The following PELO variants were observed in gnomAD, a reference collection of about 807,000 sequenced individuals.
PELO encodes the protein pelota mRNA surveillance and ribosome rescue factor, also known as protein pelota homolog.
Under a neutral mutation model 25.9 loss-of-function variants are expected in PELO, and 19 were observed. The ratio of observed to expected loss-of-function variants is 0.73; its 90% confidence interval spans 0.51 to 1.08. The LOEUF is 1.08. Ranked by LOEUF, PELO falls within the 50% of genes least tolerant of loss-of-function variation. PELO has a pLI of 0.00. For missense variants in PELO, 498 were observed against 491.4 expected (o/e 1.01, Z -0.13); for synonymous variants, 196 against 192.2 (o/e 1.02, Z -0.16).
At position 52,803,433 on chromosome 5, in the gene PELO, C is replaced by T. The variant is rs1580032316; in HGVS notation, c.*1593C>T. On this transcript the variant is annotated 3_prime_UTR_variant, in exon 3 of 3. Transcript: ENST00000274311. ...TGAAACCTGATTGTTATTATATTTT[C>T]AGTAAGGATTTGGAGATTTTTGGAC... The T allele has an allele frequency of 6.6e-6, 1 of 152,146 alleles. No individual in the cohort carries two copies. Among genetic ancestry groups the T allele is most frequent in the East Asian group, 1.9e-4 (1 of 5,180 alleles). The allele number at this position is 152,146 out of a possible 1,614,324, so 9.4% of individuals were successfully genotyped here. A position where few individuals can be genotyped will look rare whatever the true frequency, so the allele number is the denominator to read the frequency against.
chr5:52,800,670 GT>G lies in PELO; in HGVS notation c.277del (p.Tyr93MetfsTer59). 1 of 1,614,214 alleles carries G rather than the reference GT, an allele frequency of 6.2e-7. No individual in the cohort carries two copies. The highest frequency in any genetic ancestry group is 8.5e-7 in the Non-Finnish European group (1 of 1,180,044). On this transcript the variant is annotated frameshift_variant, in exon 2 of 3. Coordinates refer to ENST00000274311, the MANE Select transcript of PELO (RefSeq NM_015946.5). LOFTEE classifies it high-confidence loss of function. ...AGGGGACCAACATCCAAGAGAATGAGTATGTCAAGATGGGGGCTTACCACAC... is the reference window on the plus strand; with the variant it reads ...AGGGGACCAACATCCAAGAGAATGAGATGTCAAGATGGGGGCTTACCACAC... ...VKGTNIQENEYVKMGAYHTIE... is the reference protein window; with the variant it reads ...VKGTNIQENEXVKMGAYHTIE...
rs1748517525 is a variant in PELO, at chr5:52,802,937, T to C, written c.*1097T>C. 6.6e-6 allele frequency: 1 copy of C among 152,210 alleles called. No individual in the cohort carries two copies. The highest frequency in any genetic ancestry group is 2.4e-5 in the African/African-American group (1 of 41,450). The allele number at this position is 152,210 out of a possible 1,614,324, so 9.4% of individuals were successfully genotyped here. A position where few individuals can be genotyped will look rare whatever the true frequency, so the allele number is the denominator to read the frequency against. On this transcript the variant is annotated 3_prime_UTR_variant, in exon 3 of 3. Coordinates refer to ENST00000274311, the MANE Select transcript of PELO (RefSeq NM_015946.5). ...AAATACCTCTGAGTTTAAAATATTA[T>C]TTTTATTATTTTTGGTGCACATTCC...
chr5:52,788,364 G>C lies in PELO; in HGVS notation c.-561G>C. ...GAGGCTGCTCCGGCCATGGCCCCTC[G>C]GCCCCGCGCCCGCCCAGGGGTCGCT... On this transcript the variant is annotated 5_prime_UTR_variant, in exon 1 of 3. Transcript: ENST00000274311. The C allele has an allele frequency of 2.6e-6, 4 of 1,510,954 alleles. No homozygotes were observed. The highest frequency in any genetic ancestry group is 1.2e-5 in the South Asian group (1 of 81,350). The allele number at this position is 1,510,954 out of a possible 1,614,324, so 93.6% of individuals were successfully genotyped here. A position where few individuals can be genotyped will look rare whatever the true frequency, so the allele number is the denominator to read the frequency against.
rs865954530 is a variant in PELO, at chr5:52,800,266, C to G, written c.-129C>G. The stretch of plus-strand genomic sequence containing the variant: ...AGTCGAAGCAAGCGTGTTTCCTTCC[C>G]GCCAGGCAAGTGCCCTTAGAAACCG... On this transcript the variant is annotated 5_prime_UTR_variant, in exon 2 of 3. Transcript: ENST00000274311. 1.1e-6 allele frequency: 1 copy of G among 913,142 alleles called. No individual in the cohort carries two copies. Among genetic ancestry groups the G allele is most frequent in the African/African-American group, 1.7e-5 (1 of 60,214 alleles). 56.6% of individuals were successfully genotyped at this position (913,142 alleles called of 1,614,324 possible). A position where few individuals can be genotyped will look rare whatever the true frequency, so the allele number is the denominator to read the frequency against.
chr5:52,795,657 G>A (rs557029571), intron 1 of PELO, among the ~76,000 whole-genome samples: 53 of 151,814 alleles, frequency 3.5e-4, no homozygotes, highest in Non-Finnish European at 5.9e-4. Flanking sequence ...TTTTTCCAAG[G>A]CTGAATAATT....
intron 1 of PELO, among the ~76,000 whole-genome samples, chr5:52,795,536 C>T (rs1487371328): frequency 2.6e-5 from 4 of 151,842 alleles, no homozygotes; most frequent in Non-Finnish European, 2.9e-5. Context: ...AGTAATTCAA[C>T]TCACCAATGA....
rs56996823 is a variant in PELO at position 52,794,500 on chromosome 5, TACACACACACACAC to T, written c.-510-5362_-510-5349del. ...GTATAAGAATACATGCAAATAGAAA[TACACACACACACAC>T]ACACACACACACACACACACACTTC... On this transcript the variant is annotated intron_variant, in intron 1 of 2. Transcript: ENST00000274311. Among the ~76,000 whole-genome samples the T allele has an allele frequency of 9.9e-5, 14 of 141,914 alleles. 1 individual carries two copies. Among genetic ancestry groups the T allele is most frequent in the African/African-American group, 3.4e-4 (13 of 38,256 alleles). The allele number at this position is 141,914 out of a possible 152,430, so 93.1% of individuals were successfully genotyped here.
At chr5:52,796,227 T>C (rs1283562886) in intron 1 of PELO, among the ~76,000 whole-genome samples, 1 of 151,914 alleles carries the variant, frequency 6.6e-6, no homozygotes, top group Non-Finnish European at 1.5e-5. Context: ...CAATCCAGGA[T>C]GCTTGACTTC....
intron 1 of PELO, among the ~76,000 whole-genome samples, chr5:52,791,895 A>G (rs140014257): frequency 5.9e-5 from 9 of 152,326 alleles, no homozygotes; most frequent in African/African-American, 2.2e-4. Flanking sequence ...AATCTACTCA[A>G]TTCATATCTC....
intron 1 of PELO, among the ~76,000 whole-genome samples, chr5:52,793,522 T>C (rs1748281976): frequency 6.6e-6 from 1 of 152,094 alleles, no homozygotes; most frequent in Non-Finnish European, 1.5e-5. Context: ...AGTTCCTAGT[T>C]TCAGAGATGT....
Position 52,799,948 on chromosome 5 carries a change from A to G in PELO, c.-447A>G, listed in dbSNP as rs1198518924. The G allele has an allele frequency of 5.2e-6, 1 of 192,060 alleles. No homozygotes were observed. Among genetic ancestry groups the G allele is most frequent in the Non-Finnish European group, 1.1e-5 (1 of 90,724 alleles). The allele number at this position is 192,060 out of a possible 1,614,324, so 11.9% of individuals were successfully genotyped here. On this transcript the variant is annotated 5_prime_UTR_variant, in exon 2 of 3. Transcript: ENST00000274311. Reference sequence around the variant, plus strand: ...GCATTAAAATAAAGGACTCGCCACCACTCTGTGCACCTTCTTGAGGGAGTT... The same window carrying G: ...GCATTAAAATAAAGGACTCGCCACCGCTCTGTGCACCTTCTTGAGGGAGTT...
At chr5:52,795,230 G>GT (rs1748318342) in intron 1 of PELO, among the ~76,000 whole-genome samples, 1 of 151,908 alleles carries the variant, frequency 6.6e-6, no homozygotes, top group South Asian at 2.1e-4. Flanking sequence ...ATAAAAGGTA[G>GT]TAAGTCTCTG....
At position 52,800,440 on chromosome 5, in the gene PELO, G is replaced by A. The variant is rs1487508566; in HGVS notation, c.46G>A (p.Val16Met). ...CATCGAGAAGGACAATGCGGGCCAG[G>A]TGACCCTGGTCCCCGAGGAGCCTGA... ...KNIEKDNAGQ[V>M]TLVPEEPEDM... is the part of the protein sequence containing the mutation. Residue 16 changes from valine (V) to methionine (M), a missense_variant, in exon 2 of 3, where the codon GTG becomes ATG. Val to Met is a conservative substitution (Grantham distance 21, BLOSUM62 1). Transcript: ENST00000274311. 3 of 1,614,074 alleles carry A rather than the reference G, an allele frequency of 1.9e-6. No individual in the cohort carries two copies. Among genetic ancestry groups the A allele is most frequent in the Admixed American group, 3.3e-5 (2 of 60,032 alleles).
rs867150548 is a variant in PELO at position 52,802,825 on chromosome 5, G to C, written c.*985G>C. On this transcript the variant is annotated 3_prime_UTR_variant, in exon 3 of 3. Transcript: ENST00000274311. The stretch of plus-strand genomic sequence containing the variant: ...TTCTAAAGTTTAAGTCACATGACTA[G>C]TATGTGGCAGTTGACTTAAACTCCA... 10 of 152,294 alleles carry C rather than the reference G, an allele frequency of 6.6e-5. No individual in the cohort carries two copies. In the Middle Eastern group the frequency reaches 0.01, roughly 155 times the overall value. The allele number at this position is 152,294 out of a possible 1,614,324, so 9.4% of individuals were successfully genotyped here. A position where few individuals can be genotyped will look rare whatever the true frequency, so the allele number is the denominator to read the frequency against.
Position 52,788,423 on chromosome 5 carries a change from C to G in PELO, c.-511+9C>G. On this transcript the variant is annotated intron_variant, in intron 1 of 2. Transcript: ENST00000274311. ...CTGCTGGCTCCTCACTGGTGAGCGA[C>G]TCGCTTTTCTCTGAGCATCTCCTGC... 1 of 1,504,772 alleles carries G rather than the reference C, an allele frequency of 6.6e-7. No individual in the cohort carries two copies. The highest frequency in any genetic ancestry group is 1.2e-5 in the South Asian group (1 of 80,334). The allele number at this position is 1,504,772 out of a possible 1,614,324, so 93.2% of individuals were successfully genotyped here. A position where few individuals can be genotyped will look rare whatever the true frequency, so the allele number is the denominator to read the frequency against.
rs1748494807 is a variant in PELO, at chr5:52,801,827, C to G, written c.1145C>G (p.Ser382Cys). 6.2e-7 allele frequency: 1 copy of G among 1,603,338 alleles called. No homozygotes were observed. Among genetic ancestry groups the G allele is most frequent in the Non-Finnish European group, 8.5e-7 (1 of 1,174,004 alleles). ...TCTGACCAAGAGGGTGATTCCAGTT[C>G]TGAAGAGGATTAATGATTGAAACTT... ...ELSDQEGDSS[S>C]EED Residue 382 changes from serine to cysteine, a missense_variant, in exon 3 of 3, where the codon TCT becomes TGT. Coordinates refer to ENST00000274311, the MANE Select transcript of PELO (RefSeq NM_015946.5).
In PELO at chr5:52,801,004, T is replaced by G; in HGVS notation, c.610T>G (p.Cys204Gly). ...CCACATACACTTTGATGTTGTAAAGTGCATCCTGGTGGCCAGCCCAGGATT... is the reference window on the plus strand; with the variant it reads ...CCACATACACTTTGATGTTGTAAAGGGCATCCTGGTGGCCAGCCCAGGATT... ...QRHIHFDVVK[C>G]ILVASPGFVR... The change falls in exon 2 of 3, where the codon TGC (cysteine) becomes GGC (glycine). Residue 204 changes from cysteine (C) to glycine (G), a missense_variant. Cys to Gly is a radical substitution (Grantham distance 159, BLOSUM62 -3). Transcript: ENST00000274311. The G allele has an allele frequency of 6.2e-7, 1 of 1,614,160 alleles. No homozygotes were observed. The highest frequency in any genetic ancestry group is 8.5e-7 in the Non-Finnish European group (1 of 1,180,022).
chr5:52,790,372 T>C (rs1436016771), intron 1 of PELO, among the ~76,000 whole-genome samples: 1 of 152,256 alleles, frequency 6.6e-6, no homozygotes, highest in Non-Finnish European at 1.5e-5. Context: ...TTATTGCTGT[T>C]GTAACAACTT....
Position 52,788,392 on chromosome 5 carries a change from C to A in PELO, c.-533C>A. On this transcript the variant is annotated 5_prime_UTR_variant, in exon 1 of 3. Coordinates refer to ENST00000274311, the MANE Select transcript of PELO (RefSeq NM_015946.5). The stretch of plus-strand genomic sequence containing the variant: ...CCCGCGCCCGCCCAGGGGTCGCTGT[C>A]GCCTGCTGCTGGCTCCTCACTGGTG... 1 of 1,512,940 alleles carries A rather than the reference C, an allele frequency of 6.6e-7. No individual in the cohort carries two copies. The highest frequency in any genetic ancestry group is 2.7e-5 in the East Asian group (1 of 36,718). 93.7% of individuals were successfully genotyped at this position (1,512,940 alleles called of 1,614,324 possible). A position where few individuals can be genotyped will look rare whatever the true frequency, so the allele number is the denominator to read the frequency against.
Sources: allele counts gnomAD v4.1 joint callset (sites outside exome capture counted in the v4.1 genomes callset), GRCh38; gene constraint gnomAD v4.1.1; transcripts MANE v1.5; gene names NCBI Gene and HGNC (gene_info 2026-07-23, HGNC 2026-07-21).